Variants in RAB38 observed in about 807,000 individuals in gnomAD.
RAB38 encodes the protein RAB38, member RAS oncogene family, also known as ras-related protein Rab-38.
RAB38 carries 15 observed loss-of-function variants against 18.4 expected under a neutral mutation model. That is an observed-to-expected ratio of 0.82 (90% confidence interval 0.55 to 1.26). The LOEUF (loss-of-function observed/expected upper bound fraction) is 1.26, where lower values mean the gene tolerates loss of function less well. RAB38 is among the 50% of genes most tolerant of loss of function. The probability of loss-of-function intolerance (pLI) is 0.00; values close to 1 mark genes in which losing one functional copy is unlikely to be tolerated. For missense variants in RAB38, 294 were observed against 267.4 expected, an observed-to-expected ratio of 1.10 and a Z score of -0.69; for synonymous variants, 101 against 104.4, an observed-to-expected ratio of 0.97 and a Z score of 0.20.
the RAB38 span, among the ~76,000 whole-genome samples, chr11:87,942,148 G>C: frequency 2.0e-5 from 3 of 152,160 alleles, no homozygotes; most frequent in Non-Finnish European, 4.4e-5. Flanking sequence ...AGCTGTGCCT[G>C]ATGCAGGAGT....
At chr11:88,078,025 A>G in the RAB38 span, among the ~76,000 whole-genome samples, 2 of 152,112 alleles carry the variant, frequency 1.3e-5, no homozygotes, top group African/African-American at 4.8e-5. Flanking sequence ...ATGAATATAC[A>G]TTACTCAAAA....
the RAB38 span, among the ~76,000 whole-genome samples, chr11:87,887,011 G>A: frequency 6.6e-6 from 1 of 151,790 alleles, no homozygotes; most frequent in Non-Finnish European, 1.5e-5. Context: ...TGATATATTC[G>A]GCCCCAAACC....
the RAB38 span, among the ~76,000 whole-genome samples, chr11:87,931,579 C>A: frequency 6.6e-6 from 1 of 152,008 alleles, no homozygotes; most frequent in South Asian, 2.1e-4. Context: ...GTTGTGAATT[C>A]CCTGAACACC....
the RAB38 span, among the ~76,000 whole-genome samples, chr11:87,912,495 T>C: frequency 2.6e-5 from 4 of 152,018 alleles, no homozygotes; most frequent in Non-Finnish European, 5.9e-5. Context: ...TTATTCATAA[T>C]ATTCACTTAT....
the RAB38 span, among the ~76,000 whole-genome samples, chr11:87,947,783 T>C: frequency 6.6e-6 from 1 of 152,146 alleles, no homozygotes; most frequent in African/African-American, 2.4e-5. Flanking sequence ...TGTTTTGGTT[T>C]GGTTACTGTA....
chr11:88,175,226 C>T lies in RAB38; in HGVS notation c.159G>A (p.Trp53Ter), dbSNP rs921886271. ...GCAGGCGCACCACAGTCTCCGGGTC[C>T]CAGTGGAGCACCTTGAGCGCGAAGT... is the stretch of plus-strand genomic sequence containing the variant. ...GVDFALKVLH[W>*]DPETVVRLQL... The change falls in exon 1 of 3, where the codon TGG (tryptophan) becomes TGA (stop). Residue 53 changes from tryptophan to a stop codon, truncating the protein, a stop_gained. Coordinates refer to ENST00000243662, the MANE Select transcript of RAB38 (RefSeq NM_022337.3). LOFTEE classifies it high-confidence loss of function. 6.2e-7 allele frequency: 1 copy of T among 1,613,910 alleles called. No homozygotes were observed. The highest frequency in any genetic ancestry group is 8.5e-7 in the Non-Finnish European group (1 of 1,179,946).
At chr11:88,031,493 C>T in the RAB38 span, among the ~76,000 whole-genome samples, 18,188 of 151,664 alleles carry the variant, frequency 0.12, 2,192 homozygotes, top group East Asian at 0.33. Flanking sequence ...TTGTCTCAGC[C>T]CAAAATCTCC....
the RAB38 span, among the ~76,000 whole-genome samples, chr11:87,807,194 T>C: frequency 3.9e-5 from 6 of 152,204 alleles, no homozygotes; most frequent in African/African-American, 1.2e-4. Context: ...GTGGAAAAAT[T>C]GTCTTCCATG....
At chr11:87,954,206 CCTTT>C in the RAB38 span, among the ~76,000 whole-genome samples, 7 of 152,108 alleles carry the variant, frequency 4.6e-5, no homozygotes, top group African/African-American at 1.7e-4. Context: ...GGATCCCCTT[CCTTT>C]GATTGTCCTT....
At chr11:87,825,238 G>A in the RAB38 span, among the ~76,000 whole-genome samples, 2 of 152,078 alleles carry the variant, frequency 1.3e-5, no homozygotes, top group African/African-American at 4.8e-5. Context: ...CAGAATATTA[G>A]TGAAAATGAA....
chr11:87,850,164 G>A, the RAB38 span, among the ~76,000 whole-genome samples: 1 of 152,020 alleles, frequency 6.6e-6, no homozygotes, highest in Non-Finnish European at 1.5e-5. Context: ...TGTCTGTAGA[G>A]GTACCAAGTC....
chr11:87,961,053 C>T, the RAB38 span, among the ~76,000 whole-genome samples: 1 of 152,094 alleles, frequency 6.6e-6, no homozygotes, highest in Admixed American at 6.6e-5. Context: ...TATTCCATTT[C>T]AATGTCTCTT....
At chr11:88,119,476 C>T (rs1456353200) in intron 2 of RAB38, among the ~76,000 whole-genome samples, 1 of 152,064 alleles carries the variant, frequency 6.6e-6, no homozygotes, top group African/African-American at 2.4e-5. Flanking sequence ...CCTTTTTATT[C>T]CAATTGTGAA....
chr11:87,903,175 G>A, the RAB38 span, among the ~76,000 whole-genome samples: 1 of 151,318 alleles, frequency 6.6e-6, no homozygotes, highest in Admixed American at 6.6e-5. Flanking sequence ...AAAGCATTCA[G>A]TCTTTCAACA....
the RAB38 span, among the ~76,000 whole-genome samples, chr11:87,849,846 C>T: frequency 6.6e-6 from 1 of 152,022 alleles, no homozygotes; most frequent in South Asian, 2.1e-4. Context: ...TGTTTCTTGC[C>T]TTCTTGAACA....
intron 2 of RAB38, among the ~76,000 whole-genome samples, chr11:88,147,245 G>A (rs1435581983): frequency 1.3e-5 from 2 of 152,068 alleles, no homozygotes; most frequent in Non-Finnish European, 2.9e-5. Flanking sequence ...TACATTCTCA[G>A]TGCCCAGAAC....
At chr11:88,145,888 T>C (rs1264035915) in intron 2 of RAB38, among the ~76,000 whole-genome samples, 3 of 152,082 alleles carry the variant, frequency 2.0e-5, no homozygotes, top group Non-Finnish European at 2.9e-5. Flanking sequence ...GACACATGAT[T>C]ACCCCAATTA....
intron 2 of RAB38, among the ~76,000 whole-genome samples, chr11:88,137,045 C>A (rs1942844934): frequency 6.6e-6 from 1 of 152,246 alleles, no homozygotes; most frequent in Non-Finnish European, 1.5e-5. Flanking sequence ...CTGGGCTACT[C>A]CTTCCCTCTA....
the RAB38 span, among the ~76,000 whole-genome samples, chr11:87,919,578 C>A: frequency 6.6e-6 from 1 of 151,310 alleles, no homozygotes; most frequent in African/African-American, 2.4e-5. Context: ...CTTGTGGTGT[C>A]CTTGTCTGGC....
Sources: gnomAD v4.1 joint callset for allele counts (sites outside exome capture counted in the v4.1 genomes callset) on GRCh38, gnomAD v4.1.1 for gene constraint, MANE v1.5 for transcripts, NCBI Gene and HGNC (gene_info 2026-07-23, HGNC 2026-07-21) for gene names.